Variants in TPRG1 observed in about 807,000 individuals in gnomAD.
TPRG1 encodes the protein tumor protein p63 regulated 1, also known as tumor protein p63-regulated gene 1 protein.
In TPRG1, 29 loss-of-function variants were observed where a neutral mutation model predicts 29.3. The observed-to-expected ratio is 0.99, with a 90% CI of 0.74 to 1.35. The LOEUF (loss-of-function observed/expected upper bound fraction) is 1.35. TPRG1 is among the 40% of genes most tolerant of loss of function. TPRG1 has a pLI of 0.00. For missense variants in TPRG1, 327 were observed against 335.0 expected, an observed-to-expected ratio of 0.98 and a Z score of 0.19; for synonymous variants, 130 against 116.8, an observed-to-expected ratio of 1.11 and a Z score of -0.73.
chr3:189,149,866 T>C (rs1207707558), intron 4 of TPRG1, among the ~76,000 whole-genome samples: 1 of 152,164 alleles, frequency 6.6e-6, no homozygotes, highest in African/African-American at 2.4e-5. Context: ...AAAAAAAAGA[T>C]GTTAACTTTC....
intron 1 of TPRG1, among the ~76,000 whole-genome samples, chr3:189,191,464 G>T (rs1419084886): frequency 1.3e-5 from 2 of 152,074 alleles, no homozygotes; most frequent in Non-Finnish European, 2.9e-5. Flanking sequence ...CCTGGATGGA[G>T]CTCTCTGGAT....
intron 4 of TPRG1, among the ~76,000 whole-genome samples, chr3:189,251,504 T>C (rs1490791583): frequency 1.3e-5 from 2 of 152,090 alleles, no homozygotes; most frequent in Non-Finnish European, 2.9e-5. Context: ...GCGTTCAGCA[T>C]ACGGAGGATC....
intron 2 of TPRG1, among the ~76,000 whole-genome samples, chr3:189,127,980 G>T (rs1226415170): frequency 6.6e-6 from 1 of 152,136 alleles, no homozygotes; most frequent in Non-Finnish European, 1.5e-5. Context: ...CAAGAGGTGG[G>T]CTCCTACTTT....
chr3:189,033,235 G>A (rs1198660957), intron 4 of TPRG1, among the ~76,000 whole-genome samples: 1 of 151,772 alleles, frequency 6.6e-6, no homozygotes, highest in Non-Finnish European at 1.5e-5. Flanking sequence ...CAGAAAAAAA[G>A]GAGATTGGCT....
In TPRG1 at chr3:189,224,555, G is replaced by A. The variant is rs140073572; in HGVS notation, c.302+9172G>A. Among the ~76,000 whole-genome samples, 13 of 152,302 alleles carry A rather than the reference G, an allele frequency of 8.5e-5. No homozygotes were observed. In the East Asian group the frequency reaches 2.5e-3, roughly 29 times the overall value. On this transcript the variant is annotated intron_variant, in intron 3 of 5. Transcript: ENST00000345063. ...AATATGTGCAGAGTAACAGAGACAG[G>A]CTGAGGGAATCACAAACAGTTCAAT...
chr3:189,037,270 T>C (rs1203330947), intron 4 of TPRG1, among the ~76,000 whole-genome samples: 1 of 151,702 alleles, frequency 6.6e-6, no homozygotes, highest in Non-Finnish European at 1.5e-5. Flanking sequence ...ACTAAAATAT[T>C]ATTTGAGAAA....
At chr3:189,250,585 CT>C (rs1267060668) in intron 4 of TPRG1, among the ~76,000 whole-genome samples, 46 of 128,756 alleles carry the variant, frequency 3.6e-4, no homozygotes, top group African/African-American at 1.3e-3. Flanking sequence ...TTACTTCTAA[CT>C]TATTTGGCCC....
At chr3:189,083,012 A>T (rs1717705173) in intron 4 of TPRG1, among the ~76,000 whole-genome samples, 2 of 152,076 alleles carry the variant, frequency 1.3e-5, no homozygotes, top group South Asian at 4.1e-4. Flanking sequence ...AGAAAAAGGG[A>T]GAAGATGGCA....
chr3:189,106,617 G>T (rs1719855023), intron 1 of TPRG1, among the ~76,000 whole-genome samples: 1 of 152,006 alleles, frequency 6.6e-6, no homozygotes, highest in Non-Finnish European at 1.5e-5. Flanking sequence ...GGTTTGTGTT[G>T]GTTGTTCACA....
At chr3:189,172,904 A>T (rs977819151) in intron 1 of TPRG1, among the ~76,000 whole-genome samples, 20 of 152,194 alleles carry the variant, frequency 1.3e-4, no homozygotes, top group Non-Finnish European at 4.4e-5. Context: ...CACAGATCAT[A>T]CAGGCCCTGG....
rs796824196 is a variant in TPRG1, at chr3:189,322,088, A to G, written c.*1268A>G. The stretch of plus-strand genomic sequence containing the variant: ...AGTCTTATTTTATCTAAATTTATGT[A>G]GAAAAAAAAGCTTTGAATGTTGACT... On this transcript the variant is annotated 3_prime_UTR_variant, in exon 6 of 6. Transcript: ENST00000345063. 2 of 152,142 alleles carry G rather than the reference A, an allele frequency of 1.3e-5. No individual in the cohort carries two copies. Among genetic ancestry groups the G allele is most frequent in the African/African-American group, 4.8e-5 (2 of 41,524 alleles). The allele number at this position is 152,142 out of a possible 1,614,324, so 9.4% of individuals were successfully genotyped here.
At chr3:189,202,532 G>T (rs181107660) in intron 1 of TPRG1, among the ~76,000 whole-genome samples, 1 of 152,288 alleles carries the variant, frequency 6.6e-6, no homozygotes, top group Non-Finnish European at 1.5e-5. Context: ...TAGGCAAAAC[G>T]TAATAGGTTT....
intron 4 of TPRG1, among the ~76,000 whole-genome samples, chr3:189,060,890 A>G (rs1236080559): frequency 6.6e-6 from 1 of 152,206 alleles, no homozygotes; most frequent in Non-Finnish European, 1.5e-5. Flanking sequence ...TACGGATTCA[A>G]CACTACTCCT....
At chr3:189,279,057 G>A (rs546807824) in intron 4 of TPRG1, among the ~76,000 whole-genome samples, 156 of 152,300 alleles carry the variant, frequency 1.0e-3, no homozygotes, top group Middle Eastern at 3.4e-3. Context: ...AGTAAATATC[G>A]TAGATTTTAT....
intron 4 of TPRG1, among the ~76,000 whole-genome samples, chr3:189,255,347 C>T (rs1205708008): frequency 2.6e-5 from 4 of 152,136 alleles, no homozygotes; most frequent in Non-Finnish European, 4.4e-5. Flanking sequence ...ATATGTTGAA[C>T]CAGACTTGCA....
intron 4 of TPRG1, among the ~76,000 whole-genome samples, chr3:189,302,059 A>G (rs922214566): frequency 1.3e-5 from 2 of 152,104 alleles, no homozygotes; most frequent in Non-Finnish European, 2.9e-5. Flanking sequence ...GCACACATAC[A>G]ATTTTTCTTA....
Position 189,312,166 on chromosome 3 carries a change from TTTCTTTC to T in TPRG1, c.633+1630_633+1636del, listed in dbSNP as rs1722723063. 4.0e-5 allele frequency among the ~76,000 whole-genome samples: 3 copies of T among 74,788 alleles called. 1 individual carries two copies. Among genetic ancestry groups the T allele is most frequent in the Non-Finnish European group, 7.6e-5 (3 of 39,394 alleles). 49.1% of individuals were successfully genotyped at this position (74,788 alleles called of 152,430 possible). ...CTTTCTTTCTTTCTTTCTTTCTTTC[TTTCTTTC>T]TTTCTTTCTTTTTTTCTTTCTTTCT... is the stretch of plus-strand genomic sequence containing the variant. On this transcript the variant is annotated intron_variant, in intron 5 of 5. Transcript: ENST00000345063.
rs73889147 is a variant in TPRG1, at chr3:189,249,029, T to C, written c.479+10120T>C. Among the ~76,000 whole-genome samples, 96 of 151,504 alleles carry C rather than the reference T, an allele frequency of 6.3e-4. 1 individual carries two copies. Among genetic ancestry groups the C allele is most frequent in the African/African-American group, 1.7e-3 (71 of 41,470 alleles). On this transcript the variant is annotated intron_variant, in intron 4 of 5. Coordinates refer to ENST00000345063, the MANE Select transcript of TPRG1 (RefSeq NM_198485.4). Reference sequence around the variant, plus strand: ...TAGTGAGATTAGTATATCATATATATAGAGTTCTACATATAGAGTTTCATA... The same window carrying C: ...TAGTGAGATTAGTATATCATATATACAGAGTTCTACATATAGAGTTTCATA...
chr3:189,145,567 T>C lies in TPRG1; in HGVS notation c.-290-2017T>C, dbSNP rs146727620. Among the ~76,000 whole-genome samples, 651 of 152,208 alleles carry C rather than the reference T, an allele frequency of 4.3e-3. 4 individuals carry two copies. Among genetic ancestry groups the C allele is most frequent in the Non-Finnish European group, 5.9e-3 (400 of 67,998 alleles). ...GAGTTCAGTTCCATCACCTATAAGGTAGCAATAGGGTTGTTTGTGATTCAG... is the reference window on the plus strand; with the variant it reads ...GAGTTCAGTTCCATCACCTATAAGGCAGCAATAGGGTTGTTTGTGATTCAG... On this transcript the variant is annotated intron_variant, in intron 3 of 6. Transcript: ENST00000412373.
Sources: gnomAD v4.1 joint callset for allele counts (sites outside exome capture counted in the v4.1 genomes callset) on GRCh38, gnomAD v4.1.1 for gene constraint, MANE v1.5 for transcripts, NCBI Gene and HGNC (gene_info 2026-07-23, HGNC 2026-07-21) for gene names.